LPIN2: variants seen among roughly 807,000 people sequenced by gnomAD.
LPIN2 encodes lipin 2, also known as phosphatidate phosphatase LPIN2.
In LPIN2, 55 loss-of-function variants were observed where a neutral mutation model predicts 111.4. That is an observed-to-expected ratio of 0.49 (90% confidence interval 0.40 to 0.62). The LOEUF is 0.62. Among genes scored for constraint, LPIN2 ranks in the 20% least tolerant of loss-of-function variants. LPIN2 has a pLI of 0.00. For missense variants in LPIN2, 992 were observed against 1,112.1 expected (o/e 0.89, Z 1.54); for synonymous variants, 425 against 414.0 (o/e 1.03, Z -0.32).
intron 1 of LPIN2, among the ~76,000 whole-genome samples, chr18:2,980,271 G>C (rs2078088305): frequency 6.6e-6 from 1 of 152,128 alleles, no homozygotes. Flanking sequence ...TATGAGACAG[G>C]CATAGCAACA....
intron 1 of LPIN2, among the ~76,000 whole-genome samples, chr18:2,975,283 A>AG (rs2077992716): frequency 6.6e-6 from 1 of 152,168 alleles, no homozygotes; most frequent in South Asian, 2.1e-4. Flanking sequence ...AATTTCATAA[A>AG]GGCTTTTAGA....
intron 1 of LPIN2, among the ~76,000 whole-genome samples, chr18:3,011,035 G>A (rs771105313): frequency 3.3e-5 from 5 of 152,164 alleles, no homozygotes; most frequent in South Asian, 4.1e-4. Flanking sequence ...GACCTCGACC[G>A]AATCGCATCC....
intron 12 of LPIN2, among the ~76,000 whole-genome samples, chr18:2,927,250 T>C (rs925964870): frequency 6.6e-6 from 1 of 151,970 alleles, no homozygotes; most frequent in African/African-American, 2.4e-5. Flanking sequence ...TTTCAGAAGG[T>C]GTTGGGGAAA....
intron 1 of LPIN2, among the ~76,000 whole-genome samples, chr18:2,979,990 TCA>T (rs2078081519): frequency 6.6e-6 from 1 of 152,168 alleles, no homozygotes; most frequent in Admixed American, 6.5e-5. Context: ...TAAGGAACCA[TCA>T]CCCATTCACA....
intron 4 of LPIN2, chr18:2,946,572 C>A: frequency 8.8e-7 from 1 of 1,136,584 alleles, no homozygotes. Context: ...GCCCAAACAC[C>A]GGGAACAGCA....
intron 10 of LPIN2, 118 bp downstream of exon 10, chr18:2,928,947 A>C (rs868527193): frequency 5.3e-6 from 4 of 753,238 alleles, no homozygotes; most frequent in Non-Finnish European, 9.4e-6. Flanking sequence ...CCCACTGGCT[A>C]ATTTATATGA....
chr18:2,960,219 T>TGTGTGTGTGTG (rs1568574269), intron 2 of LPIN2, among the ~76,000 whole-genome samples: 9 of 147,344 alleles, frequency 6.1e-5, no homozygotes, highest in Admixed American at 1.4e-4. Context: ...TGTGTGTGTG[T>TGTGTGTGTGTG]TCTTGATTAT....
chr18:2,922,831 T>G (rs1195745051), intron 16 of LPIN2, among the ~76,000 whole-genome samples: 3 of 152,160 alleles, frequency 2.0e-5, no homozygotes, highest in African/African-American at 7.2e-5. Flanking sequence ...AATTACCCAC[T>G]GTGAAGAAAA....
chr18:2,921,778 T>G, intron 17 of LPIN2, 131 bp from the exon 18 acceptor site: 1 of 803,264 alleles, frequency 1.2e-6, no homozygotes, highest in Non-Finnish European at 2.1e-6. Flanking sequence ...TTCCTTCTCC[T>G]TCTTTGCCAG....
chr18:2,991,949 A>G (rs1784422243), intron 1 of LPIN2, among the ~76,000 whole-genome samples: 1 of 151,984 alleles, frequency 6.6e-6, no homozygotes, highest in Non-Finnish European at 1.5e-5. Context: ...CAGAGGTTGC[A>G]GTGAGCTGAG....
intron 4 of LPIN2, among the ~76,000 whole-genome samples, chr18:2,947,272 G>A (rs1164716382): frequency 6.6e-6 from 1 of 151,840 alleles, no homozygotes; most frequent in Non-Finnish European, 1.5e-5. Context: ...TTGCACTCAA[G>A]ATTATGCTAG....
chr18:2,999,368 G>A (rs1268323230), intron 1 of LPIN2, among the ~76,000 whole-genome samples: 1 of 152,158 alleles, frequency 6.6e-6, no homozygotes, highest in Non-Finnish European at 1.5e-5. Flanking sequence ...AGGCCAAAGC[G>A]GGCGGATCAC....
intron 1 of LPIN2, among the ~76,000 whole-genome samples, chr18:2,967,844 ATTATT>A (rs2077832341): frequency 6.6e-6 from 1 of 152,176 alleles, no homozygotes; most frequent in African/African-American, 2.4e-5. Flanking sequence ...TTAGTTTTGT[ATTATT>A]TTATATTAGC....
chr18:2,959,382 C>A lies in LPIN2; in HGVS notation c.192+1267G>T, dbSNP rs140647863. 6.6e-3 allele frequency among the ~76,000 whole-genome samples: 1,001 copies of A among 152,282 alleles called. 13 individuals carry two copies. Among genetic ancestry groups the A allele is most frequent in the African/African-American group, 0.022 (934 of 41,548 alleles). Reference sequence around the variant, plus strand: ...AATAGAGGGAAATTTCTATTTAAAGCTCAGCTATATAAAATAGCAAAAAGC... The same window carrying A: ...AATAGAGGGAAATTTCTATTTAAAGATCAGCTATATAAAATAGCAAAAAGC... On this transcript the variant is annotated intron_variant, in intron 2 of 19. Coordinates refer to ENST00000677752, the MANE Select transcript of LPIN2 (RefSeq NM_001375808.2).
intron 2 of LPIN2, among the ~76,000 whole-genome samples, chr18:2,956,412 CA>C (rs1395006035): frequency 6.6e-6 from 1 of 151,846 alleles, no homozygotes; most frequent in African/African-American, 2.4e-5. Flanking sequence ...AATGATACCT[CA>C]GGAGTTACGA....
intron 1 of LPIN2, among the ~76,000 whole-genome samples, chr18:2,998,488 A>T (rs1355561896): frequency 1.3e-5 from 2 of 152,182 alleles, no homozygotes; most frequent in African/African-American, 2.4e-5. Flanking sequence ...CTGACAAGGT[A>T]CCTGCCCTTG....
intron 1 of LPIN2, among the ~76,000 whole-genome samples, chr18:3,002,265 A>G (rs546125094): frequency 0.013 from 2,013 of 149,472 alleles, 25 homozygotes; most frequent in Middle Eastern, 0.027. Context: ...AAAACCCACC[A>G]TAACAACATA....
intron 4 of LPIN2, chr18:2,946,494 C>T (rs752896060): frequency 1.3e-5 from 21 of 1,566,536 alleles, no homozygotes; most frequent in African/African-American, 2.7e-5. Flanking sequence ...GTCTCAGGAT[C>T]GAAGCGCTGA....
At chr18:2,952,037 C>T (rs1167527305) in intron 3 of LPIN2, among the ~76,000 whole-genome samples, 3 of 152,132 alleles carry the variant, frequency 2.0e-5, no homozygotes, top group Non-Finnish European at 4.4e-5. Flanking sequence ...ACTAAATAAA[C>T]GATCAAGTCT....
Sources: gnomAD v4.1 joint callset for allele counts (sites outside exome capture counted in the v4.1 genomes callset) on GRCh38, gnomAD v4.1.1 for gene constraint, MANE v1.5 for transcripts, NCBI Gene and HGNC (gene_info 2026-07-23, HGNC 2026-07-21) for gene names.